Variants in ERAP1 observed in about 807,000 individuals in gnomAD.
ERAP1 encodes the protein adipocyte-derived leucine aminopeptidase.
Under a neutral mutation model 103.7 loss-of-function variants are expected in ERAP1, and 86 were observed. That is an observed-to-expected ratio of 0.83 (90% CI 0.70 to 0.99). ERAP1 has a LOEUF of 0.99. ERAP1 is among the 50% of genes least tolerant of loss of function. The pLI is 0.00. For synonymous variants in ERAP1, 398 were observed against 402.4 expected, an observed-to-expected ratio of 0.99 and a Z score of 0.13; for missense variants, 1,009 against 1,128.4, an observed-to-expected ratio of 0.89 and a Z score of 1.52.
chr5:96,855,605 G>A, the ERAP1 span, among the ~76,000 whole-genome samples: 1 of 152,136 alleles, frequency 6.6e-6, no homozygotes, highest in Non-Finnish European at 1.5e-5. Context: ...CAGAAACCAG[G>A]AACTTTGCTC....
chr5:96,902,565 TAG>T, the ERAP1 span: 19,941 of 458,220 alleles, frequency 0.044, 1,080 homozygotes, highest in East Asian at 0.17. Flanking sequence ...TTTTATCATT[TAG>T]AGACAGATTA....
Position 96,803,555 on chromosome 5 carries a change from T to C in ERAP1, c.372A>G (p.Glu124=), listed in dbSNP as rs905681653. 1 of 1,613,716 alleles carries C rather than the reference T, an allele frequency of 6.2e-7. No homozygotes were observed. The highest frequency in any genetic ancestry group is 8.5e-7 in the Non-Finnish European group (1 of 1,179,734). Residue 124 remains glutamate, a synonymous_variant, in exon 2 of 19, where the codon GAA becomes GAG. Transcript: ENST00000443439. ...GTGCAATTTGCTCCTGACGGGGGTGTTCCAGGACCTGCAGGGGTTCTTCCG... is the reference window on the plus strand; with the variant it reads ...GTGCAATTTGCTCCTGACGGGGGTGCTCCAGGACCTGCAGGGGTTCTTCCG... ...RLSEEPLQVL[E]HPRQEQIALL... is the part of the protein sequence containing the mutation.
At chr5:96,873,512 T>C in the ERAP1 span, 2 of 455,170 alleles carry the variant, frequency 4.4e-6, no homozygotes, top group African/African-American at 4.0e-5. Flanking sequence ...GGCTGGCATT[T>C]ACCTTGTGGT....
the ERAP1 span, among the ~76,000 whole-genome samples, chr5:96,929,333 C>G: frequency 6.6e-6 from 1 of 152,224 alleles, no homozygotes; most frequent in Admixed American, 6.5e-5. Context: ...TTTCTGCAGA[C>G]CCGACGGATT....
At chr5:96,861,677 C>T in the ERAP1 span, among the ~76,000 whole-genome samples, 12 of 152,164 alleles carry the variant, frequency 7.9e-5, no homozygotes, top group African/African-American at 2.7e-4. Context: ...CCAGCTACAA[C>T]ACTTTAAGAC....
chr5:96,919,459 A>G, the ERAP1 span: 1 of 152,334 alleles, frequency 6.6e-6, no homozygotes, highest in African/African-American at 2.4e-5. Context: ...ACAAGACCAT[A>G]TGTAAATTAA....
upstream of ERAP1, among the ~76,000 whole-genome samples, chr5:96,809,503 C>A (rs954342395): frequency 2.0e-5 from 3 of 151,264 alleles, no homozygotes; most frequent in Admixed American, 2.0e-4. Flanking sequence ...CAGTATTTCT[C>A]TTTTTTTTTC....
chr5:96,784,227 G>T, intron 13 of ERAP1, 147 bp from the exon 14 acceptor site: 5 of 818,442 alleles, frequency 6.1e-6, no homozygotes, highest in South Asian at 1.5e-5. Context: ...GGGCGCGGTG[G>T]CTCATGCCTG....
intron 6 of ERAP1, 42 bp from the exon 7 acceptor site, chr5:96,793,555 G>T (rs762472837): frequency 1.4e-6 from 2 of 1,454,582 alleles, no homozygotes; most frequent in African/African-American, 2.8e-5. Context: ...CACTCAGAAA[G>T]AAGTATATTT....
chr5:96,855,715 T>A, the ERAP1 span, among the ~76,000 whole-genome samples: 1 of 137,958 alleles, frequency 7.2e-6, no homozygotes, highest in East Asian at 1.9e-4. Flanking sequence ...TCTCTCCCAC[T>A]TACTTGACAG....
chr5:96,876,797 A>G, the ERAP1 span, among the ~76,000 whole-genome samples: 1 of 152,040 alleles, frequency 6.6e-6, no homozygotes, highest in African/African-American at 2.4e-5. Context: ...CTTCAATCCC[A>G]GGATGTTTTG....
the ERAP1 span, among the ~76,000 whole-genome samples, chr5:96,904,249 A>C: frequency 1.3e-5 from 2 of 152,198 alleles, no homozygotes; most frequent in African/African-American, 4.8e-5. Flanking sequence ...GAACAGAATA[A>C]TGTGTGGAAT....
intron 2 of ERAP1, among the ~76,000 whole-genome samples, chr5:96,802,380 T>C (rs1778105675): frequency 6.6e-6 from 1 of 151,984 alleles, no homozygotes; most frequent in Non-Finnish European, 1.5e-5. Flanking sequence ...ATAAGAATTC[T>C]ATTTATATAA....
chr5:96,891,545 C>T, the ERAP1 span, among the ~76,000 whole-genome samples: 341 of 137,352 alleles, frequency 2.5e-3, 7 homozygotes, highest in African/African-American at 8.1e-3. Context: ...TACACACACA[C>T]ACACACACAC....
chr5:96,818,962 G>A, the ERAP1 span, among the ~76,000 whole-genome samples: 1 of 151,652 alleles, frequency 6.6e-6, no homozygotes, highest in Admixed American at 6.6e-5. Flanking sequence ...GTCTCGCTCT[G>A]TCACCAAGGC....
At chr5:96,882,928 A>G in the ERAP1 span, among the ~76,000 whole-genome samples, 1 of 152,064 alleles carries the variant, frequency 6.6e-6, no homozygotes, top group Admixed American at 6.6e-5. Flanking sequence ...TGCTCTCCAA[A>G]TTCACTTCTT....
At chr5:96,904,637 T>A in the ERAP1 span, among the ~76,000 whole-genome samples, 2 of 152,334 alleles carry the variant, frequency 1.3e-5, no homozygotes, top group Admixed American at 1.3e-4. Context: ...TATTGCTAGT[T>A]GAAGGAGGTT....
At chr5:96,814,402 G>C in the ERAP1 span, 1 of 448,218 alleles carries the variant, frequency 2.2e-6, no homozygotes, top group South Asian at 1.6e-5. Context: ...TAATGTTACT[G>C]CACATTGAAG....
At chr5:96,900,905 T>C in the ERAP1 span, among the ~76,000 whole-genome samples, 3 of 152,104 alleles carry the variant, frequency 2.0e-5, no homozygotes, top group East Asian at 5.8e-4. Context: ...CCTCAGGCAA[T>C]TCGCCCACCT....
Sources: gnomAD v4.1 joint callset for allele counts (sites outside exome capture counted in the v4.1 genomes callset) on GRCh38, gnomAD v4.1.1 for gene constraint, MANE v1.5 for transcripts, NCBI Gene and HGNC (gene_info 2026-07-23, HGNC 2026-07-21) for gene names.